Variants in SPIDR observed in about 807,000 individuals in gnomAD.
SPIDR encodes the protein scaffold protein involved in DNA repair.
Under a neutral mutation model 104.6 loss-of-function variants are expected in SPIDR, and 93 were observed. That is an observed-to-expected ratio of 0.89 (90% CI 0.75 to 1.06). The LOEUF is 1.06. Ranked by LOEUF, SPIDR falls within the 50% of genes least tolerant of loss-of-function variation. The probability of loss-of-function intolerance (pLI) is 0.00; values close to 1 mark genes in which losing one functional copy is unlikely to be tolerated. For synonymous variants in SPIDR, 431 were observed against 416.9 expected, an observed-to-expected ratio of 1.03 and a Z score of -0.41; for missense variants, 1,154 against 1,111.2, an observed-to-expected ratio of 1.04 and a Z score of -0.55.
At chr8:47,469,857 G>A (rs1012434600) in intron 8 of SPIDR, among the ~76,000 whole-genome samples, 2 of 152,082 alleles carry the variant, frequency 1.3e-5, no homozygotes, top group Non-Finnish European at 2.9e-5. Context: ...ATGTACCCCT[G>A]AACTTAAAAG....
chr8:47,649,843 TAAAAA>T (rs1219782821), intron 10 of SPIDR, among the ~76,000 whole-genome samples: 1 of 151,892 alleles, frequency 6.6e-6, no homozygotes, highest in African/African-American at 2.4e-5. Context: ...ATTAACAAAA[TAAAAA>T]AACAAAAATC....
At chr8:47,720,269 AATT>A (rs1327366350) in intron 16 of SPIDR, among the ~76,000 whole-genome samples, 5 of 152,260 alleles carry the variant, frequency 3.3e-5, no homozygotes, top group Non-Finnish European at 7.3e-5. Context: ...AAGTTTTGGC[AATT>A]ATTAATGAGG....
At chr8:47,271,921 C>T (rs1191348783) in intron 1 of SPIDR, among the ~76,000 whole-genome samples, 1 of 152,068 alleles carries the variant, frequency 6.6e-6, no homozygotes, top group Non-Finnish European at 1.5e-5. Context: ...CTGCCTCAGC[C>T]TCCTGAGTAG....
At chr8:47,732,907 C>T (rs1273549456) in intron 19 of SPIDR, among the ~76,000 whole-genome samples, 1 of 152,164 alleles carries the variant, frequency 6.6e-6, no homozygotes, top group Non-Finnish European at 1.5e-5. Flanking sequence ...TCAATAGTAA[C>T]ATTATTGTGG....
chr8:47,586,992 A>C (rs977471175), intron 8 of SPIDR, among the ~76,000 whole-genome samples: 1 of 152,056 alleles, frequency 6.6e-6, no homozygotes, highest in African/African-American at 2.4e-5. Flanking sequence ...CTGGTCTCGA[A>C]CTCCCGATCT....
At chr8:47,417,474 G>GT (rs1183766344) in intron 7 of SPIDR, among the ~76,000 whole-genome samples, 1 of 152,076 alleles carries the variant, frequency 6.6e-6, no homozygotes, top group East Asian at 1.9e-4. Context: ...TGATGGGGTT[G>GT]TTTTTTTCTT....
At chr8:47,391,561 A>G (rs762420043) in intron 5 of SPIDR, among the ~76,000 whole-genome samples, 36 of 151,906 alleles carry the variant, frequency 2.4e-4, no homozygotes, top group Non-Finnish European at 3.4e-4. Context: ...AAAACAAACA[A>G]AGTAAATAAT....
chr8:47,421,958 T>C (rs949995244), intron 7 of SPIDR, among the ~76,000 whole-genome samples: 1 of 152,146 alleles, frequency 6.6e-6, no homozygotes, highest in Non-Finnish European at 1.5e-5. Flanking sequence ...TGCAGCCTGA[T>C]TGTTTCTGGA....
At chr8:47,375,032 G>GCAACAGAGCAAGACTTGGT in intron 5 of SPIDR, among the ~76,000 whole-genome samples, 1 of 151,988 alleles carries the variant, frequency 6.6e-6, no homozygotes. Context: ...TCCAGCCTGG[G>GCAACAGAGCAAGACTTGGT]CAACAGAGCA....
intron 10 of SPIDR, among the ~76,000 whole-genome samples, chr8:47,658,503 G>A (rs1487910937): frequency 6.6e-6 from 1 of 151,970 alleles, no homozygotes; most frequent in Non-Finnish European, 1.5e-5. Flanking sequence ...GGTTTTATTT[G>A]TGTCTTCCTT....
intron 10 of SPIDR, among the ~76,000 whole-genome samples, chr8:47,633,566 A>C (rs1485180120): frequency 2.6e-5 from 4 of 151,036 alleles, no homozygotes; most frequent in Non-Finnish European, 2.9e-5. Context: ...TTGAAAAAAA[A>C]AAAAAAACAA....
chr8:47,621,334 A>AT (rs2065145503), intron 10 of SPIDR, among the ~76,000 whole-genome samples: 1 of 152,162 alleles, frequency 6.6e-6, no homozygotes, highest in South Asian at 2.1e-4. Flanking sequence ...GGATCATTCC[A>AT]TTTTTTAATA....
At chr8:47,382,976 G>A (rs1156661157) in intron 5 of SPIDR, among the ~76,000 whole-genome samples, 1 of 152,158 alleles carries the variant, frequency 6.6e-6, no homozygotes, top group Admixed American at 6.5e-5. Context: ...CAAAAGAAAC[G>A]GAATTGTGGA....
At chr8:47,450,942 T>C (rs1554705538) in intron 8 of SPIDR, among the ~76,000 whole-genome samples, 2 of 151,998 alleles carry the variant, frequency 1.3e-5, no homozygotes, top group Non-Finnish European at 2.9e-5. Flanking sequence ...CCCTGAGGAG[T>C]GGGATAATTA....
At chr8:47,666,861 A>G (rs1235190802) in intron 10 of SPIDR, among the ~76,000 whole-genome samples, 1 of 152,244 alleles carries the variant, frequency 6.6e-6, no homozygotes, top group Non-Finnish European at 1.5e-5. Flanking sequence ...CTGTTGGATC[A>G]AAAAAGAAAT....
intron 10 of SPIDR, among the ~76,000 whole-genome samples, chr8:47,615,580 C>T (rs1228037038): frequency 6.7e-6 from 1 of 150,358 alleles, no homozygotes; most frequent in East Asian, 2.0e-4. Context: ...TCCAGCAATT[C>T]TCCTGCCTCA....
intron 5 of SPIDR, among the ~76,000 whole-genome samples, chr8:47,341,059 G>C (rs1563673583): frequency 6.6e-6 from 1 of 152,192 alleles, no homozygotes; most frequent in African/African-American, 2.4e-5. Flanking sequence ...CAGCTTGGGG[G>C]GGATGCCCGT....
At chr8:47,269,625 G>A (rs1275748374) in intron 1 of SPIDR, among the ~76,000 whole-genome samples, 3 of 151,358 alleles carry the variant, frequency 2.0e-5, no homozygotes, top group African/African-American at 7.3e-5. Context: ...CAGTAGAGAT[G>A]AATTTACTAC....
At chr8:47,415,842 A>G (rs1458125420) in intron 7 of SPIDR, among the ~76,000 whole-genome samples, 1 of 152,254 alleles carries the variant, frequency 6.6e-6, no homozygotes, top group Non-Finnish European at 1.5e-5. Flanking sequence ...CACATAGTCC[A>G]GACACAGAAG....
Sources: allele counts gnomAD v4.1 joint callset (sites outside exome capture counted in the v4.1 genomes callset), GRCh38; gene constraint gnomAD v4.1.1; transcripts MANE v1.5; gene names NCBI Gene and HGNC (gene_info 2026-07-23, HGNC 2026-07-21).